The following NPAS3 variants were observed in gnomAD, a reference collection of about 807,000 sequenced individuals.
NPAS3 encodes the protein neuronal PAS domain-containing protein 3.
Under a neutral mutation model 73.1 loss-of-function variants are expected in NPAS3, and 14 were observed. The observed-to-expected ratio is 0.19, with a 90% CI of 0.13 to 0.30. The LOEUF is 0.30. Among genes scored for constraint, NPAS3 ranks in the 10% least tolerant of loss-of-function variants. NPAS3 has a pLI of 1.00. For synonymous variants in NPAS3, 620 were observed against 541.5 expected (o/e 1.14, Z -2.01); for missense variants, 1,096 against 1,250.0 (o/e 0.88, Z 1.86).
intron 1 of NPAS3, among the ~76,000 whole-genome samples, chr14:32,991,042 C>G (rs2038314000): frequency 6.6e-6 from 1 of 151,918 alleles, no homozygotes; most frequent in Non-Finnish European, 1.5e-5. Flanking sequence ...GAGATAGATA[C>G]AGGATAGTTA....
intron 4 of NPAS3, among the ~76,000 whole-genome samples, chr14:33,481,649 C>T (rs7152665): frequency 0.35 from 53,206 of 151,870 alleles, 13,422 homozygotes; most frequent in African/African-American, 0.72. Flanking sequence ...ACTCCTGTTC[C>T]AATTTGCACT....
At chr14:33,536,021 G>A (rs964134830) in intron 4 of NPAS3, among the ~76,000 whole-genome samples, 1 of 152,084 alleles carries the variant, frequency 6.6e-6, no homozygotes, top group Admixed American at 6.6e-5. Flanking sequence ...AGAGGCCTCT[G>A]GCTCCTGACT....
At chr14:33,671,569 G>T (rs1016664658) in intron 5 of NPAS3, among the ~76,000 whole-genome samples, 1 of 152,096 alleles carries the variant, frequency 6.6e-6, no homozygotes, top group African/African-American at 2.4e-5. Context: ...GCAGGGAAAG[G>T]CAGGAAAAAA....
intron 4 of NPAS3, among the ~76,000 whole-genome samples, chr14:33,370,549 T>A (rs990061074): frequency 1.3e-5 from 2 of 152,076 alleles, no homozygotes; most frequent in Non-Finnish European, 2.9e-5. Context: ...GAAGAGTCCA[T>A]GGAGAGGGCT....
chr14:32,948,665 C>A (rs1392212216), intron 1 of NPAS3, among the ~76,000 whole-genome samples: 1 of 152,096 alleles, frequency 6.6e-6, no homozygotes, highest in Non-Finnish European at 1.5e-5. Flanking sequence ...ATCTCCATCA[C>A]TCTGTTCTGT....
intron 4 of NPAS3, among the ~76,000 whole-genome samples, chr14:33,417,599 A>C (rs2048199842): frequency 6.6e-6 from 1 of 152,058 alleles, no homozygotes; most frequent in Non-Finnish European, 1.5e-5. Context: ...TAAATGCACC[A>C]AATCTCTTGC....
At chr14:33,151,157 G>A (rs745292) in intron 2 of NPAS3, among the ~76,000 whole-genome samples, 2,820 of 152,186 alleles carry the variant, frequency 0.019, 96 homozygotes, top group African/African-American at 0.062. Flanking sequence ...AGGCATAACC[G>A]GCCTCTTTGT....
intron 1 of NPAS3, among the ~76,000 whole-genome samples, chr14:33,016,045 G>A (rs1361507602): frequency 6.6e-6 from 1 of 151,826 alleles, no homozygotes; most frequent in Non-Finnish European, 1.5e-5. Context: ...TAATGTCAGG[G>A]AATTTCATCT....
chr14:33,741,366 A>T (rs2061651605), intron 7 of NPAS3, among the ~76,000 whole-genome samples: 1 of 152,196 alleles, frequency 6.6e-6, no homozygotes, highest in African/African-American at 2.4e-5. Context: ...AAGGCTATGC[A>T]TTTATTGCCT....
At chr14:33,037,095 G>A (rs974606791) in intron 1 of NPAS3, among the ~76,000 whole-genome samples, 10 of 152,100 alleles carry the variant, frequency 6.6e-5, no homozygotes, top group Admixed American at 3.9e-4. Flanking sequence ...TCATACTGTC[G>A]CTTGTGTAGA....
chr14:33,097,763 G>A lies in NPAS3; in HGVS notation c.140+41769G>A, dbSNP rs74363798. Among the ~76,000 whole-genome samples the A allele has an allele frequency of 7.2e-5, 11 of 152,314 alleles. No homozygotes were observed. In the East Asian group the frequency reaches 2.1e-3, roughly 29 times the overall value. On this transcript the variant is annotated intron_variant, in intron 2 of 11. Transcript: ENST00000356141. Reference sequence around the variant, plus strand: ...TAATATCCTAATGACCAGTGAGGTTGAAAACATTTTCAAATGTTTATGAGC... The same window carrying A: ...TAATATCCTAATGACCAGTGAGGTTAAAAACATTTTCAAATGTTTATGAGC...
At chr14:33,589,624 C>T (rs2056991832) in intron 5 of NPAS3, among the ~76,000 whole-genome samples, 1 of 152,118 alleles carries the variant, frequency 6.6e-6, no homozygotes, top group Non-Finnish European at 1.5e-5. Flanking sequence ...CATCTCATCG[C>T]TCCTTCCACC....
At chr14:33,039,330 C>A (rs1380565731) in intron 1 of NPAS3, among the ~76,000 whole-genome samples, 1 of 152,090 alleles carries the variant, frequency 6.6e-6, no homozygotes, top group Non-Finnish European at 1.5e-5. Flanking sequence ...GGCCTAATTT[C>A]CATTATATTC....
intron 5 of NPAS3, among the ~76,000 whole-genome samples, chr14:33,668,473 T>G (rs955684719): frequency 7.2e-5 from 11 of 152,070 alleles, no homozygotes; most frequent in Admixed American, 1.3e-4. Context: ...ATGGAAAAAA[T>G]CATCCCCAGA....
chr14:33,581,707 G>A (rs2056670560), intron 5 of NPAS3, among the ~76,000 whole-genome samples: 1 of 152,078 alleles, frequency 6.6e-6, no homozygotes, highest in African/African-American at 2.4e-5. Context: ...AAGTAGCTGG[G>A]ACTATAGGTG....
intron 4 of NPAS3, among the ~76,000 whole-genome samples, chr14:33,505,669 A>C (rs909152523): frequency 6.6e-6 from 1 of 152,054 alleles, no homozygotes; most frequent in African/African-American, 2.4e-5. Flanking sequence ...ATTTATTCAA[A>C]ACCGGAAAAA....
intron 4 of NPAS3, among the ~76,000 whole-genome samples, chr14:33,488,278 G>A (rs2051710531): frequency 6.6e-6 from 1 of 152,012 alleles, no homozygotes; most frequent in Non-Finnish European, 1.5e-5. Flanking sequence ...CTACAGTTTA[G>A]TGAACAAGCA....
intron 1 of NPAS3, among the ~76,000 whole-genome samples, chr14:33,054,898 C>T (rs1217430890): frequency 6.6e-6 from 1 of 152,108 alleles, no homozygotes; most frequent in Admixed American, 6.5e-5. Context: ...AGGCGTGAGC[C>T]ACCGCACCTG....
At chr14:33,479,729 G>A (rs903772926) in intron 4 of NPAS3, among the ~76,000 whole-genome samples, 1 of 151,730 alleles carries the variant, frequency 6.6e-6, no homozygotes, top group Admixed American at 6.6e-5. Context: ...CCAATTTTGT[G>A]CAAAACTCCT....
Sources: allele counts gnomAD v4.1 joint callset (sites outside exome capture counted in the v4.1 genomes callset), GRCh38; gene constraint gnomAD v4.1.1; transcripts MANE v1.5; gene names NCBI Gene and HGNC (gene_info 2026-07-23, HGNC 2026-07-21).